MAPK10: variants seen among roughly 807,000 people sequenced by gnomAD.
MAPK10 encodes JNK3 alpha protein kinase.
Under a neutral mutation model 59.3 loss-of-function variants are expected in MAPK10, and 25 were observed. That is an observed-to-expected ratio of 0.42 (90% CI 0.31 to 0.59). The LOEUF is 0.59. Among genes scored for constraint, MAPK10 ranks in the 20% least tolerant of loss-of-function variants. MAPK10 has a pLI of 0.15. For missense variants in MAPK10, 351 were observed against 568.9 expected, an observed-to-expected ratio of 0.62 and a Z score of 3.90; for synonymous variants, 190 against 200.5, an observed-to-expected ratio of 0.95 and a Z score of 0.44.
chr4:86,448,053 A>G (rs778610209), intron 1 of MAPK10, among the ~76,000 whole-genome samples: 1 of 152,172 alleles, frequency 6.6e-6, no homozygotes, highest in Non-Finnish European at 1.5e-5. Flanking sequence ...TATCTCACAC[A>G]GTTTTTGTGG....
At chr4:86,208,049 G>A (rs955394330) in intron 2 of MAPK10, among the ~76,000 whole-genome samples, 3 of 152,030 alleles carry the variant, frequency 2.0e-5, no homozygotes, top group African/African-American at 7.2e-5. Flanking sequence ...GGAAGAAGTT[G>A]AATCTCTGAA....
chr4:86,154,964 C>A (rs2067335041), intron 4 of MAPK10, among the ~76,000 whole-genome samples: 1 of 152,016 alleles, frequency 6.6e-6, no homozygotes, highest in African/African-American at 2.4e-5. Flanking sequence ...ACATGGCCAA[C>A]TTTCAATCAC....
intron 11 of MAPK10, among the ~76,000 whole-genome samples, chr4:86,041,649 A>C (rs1043170665): frequency 2.0e-5 from 3 of 152,334 alleles, no homozygotes; most frequent in African/African-American, 7.2e-5. Context: ...CCCATCAAAA[A>C]GTGGGCGAAG....
intron 12 of MAPK10, among the ~76,000 whole-genome samples, chr4:86,030,393 C>T (rs1468484277): frequency 6.6e-6 from 1 of 152,058 alleles, no homozygotes; most frequent in Non-Finnish European, 1.5e-5. Context: ...TACAATGGCA[C>T]AATCATGGCT....
intron 1 of MAPK10, among the ~76,000 whole-genome samples, chr4:86,514,545 T>G (rs936199675): frequency 2.0e-5 from 3 of 152,196 alleles, no homozygotes; most frequent in Non-Finnish European, 2.9e-5. Context: ...AATAGTGTAC[T>G]TAAAACACTC....
intron 11 of MAPK10, among the ~76,000 whole-genome samples, chr4:86,045,032 A>G (rs2148948084): frequency 6.6e-6 from 1 of 152,218 alleles, no homozygotes; most frequent in Non-Finnish European, 1.5e-5. Context: ...GACCAGAGGA[A>G]CCTTTGAAAG....
chr4:86,545,315 A>C (rs1351258762), intron 1 of MAPK10, among the ~76,000 whole-genome samples: 2 of 152,156 alleles, frequency 1.3e-5, no homozygotes, highest in Non-Finnish European at 2.9e-5. Flanking sequence ...CTTTTTTGTC[A>C]TTGCTTTCTT....
chr4:86,269,398 T>A (rs2094357980), intron 2 of MAPK10, among the ~76,000 whole-genome samples: 1 of 152,158 alleles, frequency 6.6e-6, no homozygotes, highest in South Asian at 2.1e-4. Flanking sequence ...AAATTGCATC[T>A]TCTAAAATCT....
intron 4 of MAPK10, among the ~76,000 whole-genome samples, chr4:86,156,819 T>G (rs1031621046): frequency 6.6e-6 from 1 of 152,026 alleles, no homozygotes; most frequent in African/African-American, 2.4e-5. Flanking sequence ...AATGAGTTGC[T>G]CTTCTGGATC....
At chr4:86,076,318 G>A (rs6822410) in intron 9 of MAPK10, among the ~76,000 whole-genome samples, 66,733 of 151,870 alleles carry the variant, frequency 0.44, 15,314 homozygotes, top group African/African-American at 0.56. Context: ...AGATGCACCC[G>A]GTACCTCAGA....
chr4:86,484,786 A>T (rs1159795913), intron 1 of MAPK10, among the ~76,000 whole-genome samples: 1 of 152,234 alleles, frequency 6.6e-6, no homozygotes, highest in Non-Finnish European at 1.5e-5. Flanking sequence ...TTACTTGCAG[A>T]AAGACATATA....
At chr4:86,178,251 T>G (rs1176910109) in intron 3 of MAPK10, among the ~76,000 whole-genome samples, 1 of 152,128 alleles carries the variant, frequency 6.6e-6, no homozygotes, top group Non-Finnish European at 1.5e-5. Flanking sequence ...TAAGTGGTAT[T>G]ATAAAGATAA....
chr4:86,518,101 C>T (rs1756834548), intron 1 of MAPK10, among the ~76,000 whole-genome samples: 1 of 152,190 alleles, frequency 6.6e-6, no homozygotes, highest in Non-Finnish European at 1.5e-5. Flanking sequence ...TGGCTCACTG[C>T]AACCTTCACC....
At chr4:86,409,927 T>C (rs1744910868) in intron 1 of MAPK10, among the ~76,000 whole-genome samples, 1 of 152,212 alleles carries the variant, frequency 6.6e-6, no homozygotes, top group African/African-American at 2.4e-5. Context: ...AGCCAGAACT[T>C]CCAACACTAT....
At chr4:86,316,595 G>T (rs62307365) in intron 2 of MAPK10, among the ~76,000 whole-genome samples, 46,281 of 151,962 alleles carry the variant, frequency 0.3, 7,498 homozygotes, top group Non-Finnish European at 0.37. Context: ...CTCATTGGTC[G>T]AAATAAGACA....
chr4:86,237,186 G>T (rs2092321149), intron 2 of MAPK10, among the ~76,000 whole-genome samples: 1 of 152,132 alleles, frequency 6.6e-6, no homozygotes, highest in African/African-American at 2.4e-5. Context: ...CAAAAGACAT[G>T]ATCTCATTCC....
intron 1 of MAPK10, among the ~76,000 whole-genome samples, chr4:86,417,338 T>A (rs369204752): frequency 6.6e-6 from 1 of 152,314 alleles, no homozygotes; most frequent in East Asian, 1.9e-4. Context: ...TATTGTTTAT[T>A]TACATTTAAT....
At chr4:86,519,253 T>C (rs1241452303) in intron 1 of MAPK10, among the ~76,000 whole-genome samples, 1 of 152,236 alleles carries the variant, frequency 6.6e-6, no homozygotes, top group Non-Finnish European at 1.5e-5. Context: ...ATCTATCTTA[T>C]TTCTTACGTC....
At position 86,076,135 on chromosome 4, in the gene MAPK10, C is replaced by T. The variant is rs559420119; in HGVS notation, c.803-8180G>A. 3.9e-5 allele frequency among the ~76,000 whole-genome samples: 6 copies of T among 152,292 alleles called. No homozygotes were observed. The East Asian group carries it at 9.7e-4, about 25-fold the overall frequency. ...AAGCCGGTCTGAAAAGTGCAATATTCGGGTGGGAGTGACCCGATTTTCCAG... is the reference window on the plus strand; with the variant it reads ...AAGCCGGTCTGAAAAGTGCAATATTTGGGTGGGAGTGACCCGATTTTCCAG... On this transcript the variant is annotated intron_variant, in intron 9 of 13. Coordinates refer to ENST00000641462, the MANE Select transcript of MAPK10 (RefSeq NM_138982.4).
Sources: gnomAD v4.1 joint callset for allele counts (sites outside exome capture counted in the v4.1 genomes callset) on GRCh38, gnomAD v4.1.1 for gene constraint, MANE v1.5 for transcripts, NCBI Gene and HGNC (gene_info 2026-07-23, HGNC 2026-07-21) for gene names.